The following FNDC3B variants were observed in gnomAD, a reference collection of about 807,000 sequenced individuals.
The protein encoded by FNDC3B is fibronectin type III domain-containing protein 3B.
A neutral mutation model predicts 151.5 loss-of-function variants in FNDC3B; 12 were observed. That is an observed-to-expected ratio of 0.08 (90% CI 0.05 to 0.13). The LOEUF is 0.13. Ranked by LOEUF, FNDC3B falls within the 10% of genes least tolerant of loss-of-function variation. FNDC3B has a pLI of 1.00. For synonymous variants in FNDC3B, 528 were observed against 549.0 expected (o/e 0.96, Z 0.54); for missense variants, 1,214 against 1,505.3 (o/e 0.81, Z 3.20).
intron 6 of FNDC3B, among the ~76,000 whole-genome samples, chr3:172,280,670 G>C (rs754667922): frequency 5.3e-5 from 8 of 152,194 alleles, no homozygotes; most frequent in Non-Finnish European, 8.8e-5. Flanking sequence ...TAGTAGCTAA[G>C]TGTGTAGCTC....
intron 11 of FNDC3B, among the ~76,000 whole-genome samples, chr3:172,320,042 C>A (rs1421664312): frequency 6.6e-6 from 1 of 152,102 alleles, no homozygotes; most frequent in Non-Finnish European, 1.5e-5. Context: ...AGTCATCAAA[C>A]CTGGTAAGAG....
chr3:172,309,320 A>G (rs1444450921), intron 10 of FNDC3B, among the ~76,000 whole-genome samples: 1 of 152,236 alleles, frequency 6.6e-6, no homozygotes, highest in Non-Finnish European at 1.5e-5. Context: ...TTCGTCAGCA[A>G]CAGTTATTAC....
chr3:172,360,402 T>C (rs1176905900), intron 22 of FNDC3B, among the ~76,000 whole-genome samples: 6 of 152,196 alleles, frequency 3.9e-5, no homozygotes, highest in Non-Finnish European at 8.8e-5. Flanking sequence ...TCTCTAGTTA[T>C]TTTCATTCTC....
intron 11 of FNDC3B, among the ~76,000 whole-genome samples, chr3:172,311,713 A>C (rs1731507274): frequency 7.7e-6 from 1 of 130,010 alleles, no homozygotes; most frequent in Non-Finnish European, 1.5e-5. Flanking sequence ...AAAAATACAA[A>C]AAAAAAAAAA....
At chr3:172,339,580 A>G (rs192276597) in intron 16 of FNDC3B, among the ~76,000 whole-genome samples, 1 of 152,062 alleles carries the variant, frequency 6.6e-6, no homozygotes, top group African/African-American at 2.4e-5. Flanking sequence ...AAAACAAAAA[A>G]CAAACAAACA....
rs1315196984 is a variant in FNDC3B at position 172,400,432 on chromosome 3, T to C, written c.*2957T>C. 6.5e-6 allele frequency: 1 copy of C among 152,680 alleles called. No individual in the cohort carries two copies. Among genetic ancestry groups the C allele is most frequent in the Non-Finnish European group, 1.5e-5 (1 of 68,040 alleles). The allele number at this position is 152,680 out of a possible 1,614,324, so 9.5% of individuals were successfully genotyped here. A position where few individuals can be genotyped will look rare whatever the true frequency, so the allele number is the denominator to read the frequency against. On this transcript the variant is annotated 3_prime_UTR_variant, in exon 26 of 26. Coordinates refer to ENST00000415807, the MANE Select transcript of FNDC3B (RefSeq NM_022763.4). ...CCTAATTGAATGTGTTTGAATGTTATCCTTGCACAATTCTTTAAATTGAAA... is the reference window on the plus strand; with the variant it reads ...CCTAATTGAATGTGTTTGAATGTTACCCTTGCACAATTCTTTAAATTGAAA...
chr3:172,310,966 A>C (rs751429408), intron 11 of FNDC3B, 85 bp downstream of exon 11: 182 of 962,318 alleles, frequency 1.9e-4, no homozygotes, highest in Non-Finnish European at 2.9e-4. Context: ...TTCTTTTATA[A>C]GACATGCTAA....
At chr3:172,266,898 C>T (rs546615203) in intron 6 of FNDC3B, among the ~76,000 whole-genome samples, 1 of 152,324 alleles carries the variant, frequency 6.6e-6, no homozygotes, top group East Asian at 1.9e-4. Context: ...CCACAGTCTC[C>T]TTCCAGCATC....
Position 172,070,644 on chromosome 3 carries a change from C to T in FNDC3B, c.-29+30873C>T, listed in dbSNP as rs555587853. 2.6e-5 allele frequency among the ~76,000 whole-genome samples: 4 copies of T among 152,254 alleles called. No homozygotes were observed. In the East Asian group the frequency reaches 7.7e-4, roughly 29 times the overall value. ...ACCTTTTACTTTAAGCCAAAAACAC[C>T]TTACACTTTTCTTAGATGAGCTTTT... On this transcript the variant is annotated intron_variant, in intron 1 of 25. Coordinates refer to ENST00000415807, the MANE Select transcript of FNDC3B (RefSeq NM_022763.4).
rs183759695 is a variant in FNDC3B at position 172,271,086 on chromosome 3, C to G, written c.791-14840C>G. Among the ~76,000 whole-genome samples the G allele has an allele frequency of 1.2e-4, 19 of 152,330 alleles. No individual in the cohort carries two copies. In the East Asian group the frequency reaches 3.7e-3, roughly 29 times the overall value. On this transcript the variant is annotated intron_variant, in intron 6 of 25. Coordinates refer to ENST00000415807, the MANE Select transcript of FNDC3B (RefSeq NM_022763.4). ...AATGCAAGAAACTGTCATCGTTGCT[C>G]TCTCCATTTTTGTTTAGTAAGAACG... is the stretch of plus-strand genomic sequence containing the variant.
At chr3:172,348,244 A>G (rs1260889656) in intron 21 of FNDC3B, among the ~76,000 whole-genome samples, 2 of 152,224 alleles carry the variant, frequency 1.3e-5, no homozygotes, top group African/African-American at 4.8e-5. Context: ...TCATGGATCA[A>G]ATTCGTTATT....
intron 3 of FNDC3B, chr3:172,186,749 TC>T (rs752391980): frequency 2.8e-5 from 20 of 702,688 alleles, no homozygotes; most frequent in South Asian, 2.8e-4. Context: ...GAAGATTTTT[TC>T]ATCTCAGCTT....
chr3:172,286,521 A>G (rs1369355088), intron 7 of FNDC3B, among the ~76,000 whole-genome samples: 3 of 152,200 alleles, frequency 2.0e-5, no homozygotes, highest in African/African-American at 7.2e-5. Flanking sequence ...TCAGCCTTTC[A>G]TCTGAGATTA....
chr3:172,222,343 A>G (rs549643266), intron 3 of FNDC3B, among the ~76,000 whole-genome samples: 1 of 152,324 alleles, frequency 6.6e-6, no homozygotes, highest in South Asian at 2.1e-4. Context: ...ACTTGTTTAA[A>G]TGATGATTTG....
chr3:172,283,798 G>C (rs567230102), intron 6 of FNDC3B, among the ~76,000 whole-genome samples: 1 of 152,220 alleles, frequency 6.6e-6, no homozygotes, highest in East Asian at 1.9e-4. Context: ...CTTAGCAGGG[G>C]CTTCCAGAAA....
intron 3 of FNDC3B, among the ~76,000 whole-genome samples, chr3:172,201,546 C>T (rs947353135): frequency 2.0e-5 from 3 of 152,048 alleles, no homozygotes; most frequent in Admixed American, 6.5e-5. Context: ...AGAGGATTTC[C>T]CTATCATGGG....
At chr3:172,068,811 G>A (rs934993716) in intron 1 of FNDC3B, among the ~76,000 whole-genome samples, 1 of 152,218 alleles carries the variant, frequency 6.6e-6, no homozygotes, top group African/African-American at 2.4e-5. Flanking sequence ...CTATGTGCCA[G>A]ACACTGTTCT....
intron 21 of FNDC3B, among the ~76,000 whole-genome samples, chr3:172,349,483 T>A (rs1449317438): frequency 6.6e-6 from 1 of 152,212 alleles, no homozygotes; most frequent in African/African-American, 2.4e-5. Context: ...TTAAATTTCA[T>A]TTGAAAACTG....
chr3:172,160,457 C>T (rs1017855455), intron 3 of FNDC3B, among the ~76,000 whole-genome samples: 1 of 152,174 alleles, frequency 6.6e-6, no homozygotes, highest in Admixed American at 6.5e-5. Context: ...GGGTTTACAC[C>T]CCAACCCTAA....
Sources: allele counts gnomAD v4.1 joint callset (sites outside exome capture counted in the v4.1 genomes callset), GRCh38; gene constraint gnomAD v4.1.1; transcripts MANE v1.5; gene names NCBI Gene and HGNC (gene_info 2026-07-23, HGNC 2026-07-21).